AXIN1: variants seen among roughly 807,000 people sequenced by gnomAD.
AXIN1 encodes axin 1.
Under a neutral mutation model 76.4 loss-of-function variants are expected in AXIN1, and 30 were observed. That is an observed-to-expected ratio of 0.39 (90% confidence interval 0.29 to 0.53). AXIN1 has a LOEUF of 0.53. Among genes scored for constraint, AXIN1 ranks in the 20% least tolerant of loss-of-function variants. AXIN1 has a pLI of 0.66. For synonymous variants in AXIN1, 545 were observed against 501.4 expected, an observed-to-expected ratio of 1.09 and a Z score of -1.16; for missense variants, 1,140 against 1,198.8, an observed-to-expected ratio of 0.95 and a Z score of 0.72.
chr16:328,854 T>A (rs1245888116), intron 2 of AXIN1, among the ~76,000 whole-genome samples: 1 of 151,654 alleles, frequency 6.6e-6, no homozygotes, highest in Non-Finnish European at 1.5e-5. Flanking sequence ...CTCTGCACAG[T>A]CCCCCACAGA....
chr16:318,917 T>G (rs11248927), intron 2 of AXIN1, among the ~76,000 whole-genome samples: 2 of 65,750 alleles, frequency 3.0e-5, no homozygotes, highest in Non-Finnish European at 5.6e-5. Context: ...TTGGTGAGAG[T>G]GGCTCTGACC....
chr16:302,028 G>A (rs912784709), intron 5 of AXIN1, among the ~76,000 whole-genome samples: 4 of 152,206 alleles, frequency 2.6e-5, no homozygotes, highest in African/African-American at 4.8e-5. Context: ...CAACAGCCCA[G>A]TAAGGCTCCC....
intron 10 of AXIN1, among the ~76,000 whole-genome samples, chr16:288,755 AG>A (rs2052464901): frequency 1.3e-5 from 2 of 152,238 alleles, no homozygotes; most frequent in Admixed American, 6.5e-5. Context: ...GGCTGCACGC[AG>A]GGCCCTGCAG....
chr16:332,801 C>T (rs186916876), intron 2 of AXIN1, among the ~76,000 whole-genome samples: 14 of 151,990 alleles, frequency 9.2e-5, no homozygotes, highest in Admixed American at 3.9e-4. Context: ...TAAAGGATCA[C>T]TCTAAATGGT....
In AXIN1 at chr16:293,421, G is replaced by C. The variant is rs1472931761; in HGVS notation, c.2186+67C>G. The C allele has an allele frequency of 4.6e-6, 7 of 1,510,538 alleles. No homozygotes were observed. The East Asian group carries it at 6.8e-5, about 15-fold the overall frequency. The allele number at this position is 1,510,538 out of a possible 1,614,324, so 93.6% of individuals were successfully genotyped here. A position where few individuals can be genotyped will look rare whatever the true frequency, so the allele number is the denominator to read the frequency against. ...CCCTGAAGACCTCAGGCCTCGGGGA[G>C]CTTCAGCCCCAGGAGTGGTGCTGTG... On this transcript the variant is annotated intron_variant, in intron 8 of 10. Coordinates refer to ENST00000262320, the MANE Select transcript of AXIN1 (RefSeq NM_003502.4). This position sits in a 1 kb window ranked among gnomAD's most constrained non-coding sequence, Gnocchi z 4.6.
chr16:297,185 G>A lies in AXIN1; in HGVS notation c.1826C>T (p.Ala609Val), dbSNP rs770063899. The change falls in exon 7 of 11, where the codon GCT becomes GTT. Residue 609 changes from alanine to valine, a missense_variant. By Grantham distance (64) the Ala-to-Val change is moderately conservative. Transcript: ENST00000262320. Reference protein sequence around the residue: ...GVACKRNAKKAESGKSASTEV... With the variant: ...GVACKRNAKKVESGKSASTEV... ...GGTGCTGGCGCTCTTCCCCGACTCA[G>A]CCTTCTTGGCATTTCTTTTGCACGC... 1 of 1,610,206 alleles carries A rather than the reference G, an allele frequency of 6.2e-7. No individual in the cohort carries two copies. Among genetic ancestry groups the A allele is most frequent in the Non-Finnish European group, 8.5e-7 (1 of 1,179,960 alleles).
At chr16:313,305 G>T (rs1021601323) in intron 3 of AXIN1, among the ~76,000 whole-genome samples, 4 of 152,150 alleles carry the variant, frequency 2.6e-5, no homozygotes, top group African/African-American at 9.7e-5. Flanking sequence ...GTCTCAAAAT[G>T]AAAAGAACCA....
intron 2 of AXIN1, among the ~76,000 whole-genome samples, chr16:321,920 A>G (rs1345873028): frequency 6.6e-6 from 1 of 152,226 alleles, no homozygotes; most frequent in African/African-American, 2.4e-5. Flanking sequence ...GCCTAAGTGG[A>G]GCCATCCTAA....
chr16:337,201 T>A (rs970654216), intron 2 of AXIN1, among the ~76,000 whole-genome samples: 6 of 148,916 alleles, frequency 4.0e-5, no homozygotes, highest in Admixed American at 2.7e-4. Context: ...GTATCCTTTT[T>A]AAAGAAAAAA....
chr16:304,580 G>A, intron 4 of AXIN1, 139 bp from the exon 5 acceptor site: 4 of 1,357,044 alleles, frequency 2.9e-6, no homozygotes, highest in Non-Finnish European at 4.0e-6. Flanking sequence ...TGTCACCCAG[G>A]CTGGAGTGCA....
At chr16:326,736 C>CAA (rs59159771) in intron 2 of AXIN1, among the ~76,000 whole-genome samples, 1,562 of 121,200 alleles carry the variant, frequency 0.013, 42 homozygotes, top group African/African-American at 0.045. Context: ...AGAGTGGGAT[C>CAA]AAAAAAAAAA....
At chr16:311,547 G>A (rs573003542) in intron 3 of AXIN1, among the ~76,000 whole-genome samples, 116 of 151,358 alleles carry the variant, frequency 7.7e-4, no homozygotes, top group Non-Finnish European at 1.5e-3. Flanking sequence ...CGAGGCGGGC[G>A]GATCACGAGG....
chr16:306,085 C>T, intron 4 of AXIN1, among the ~76,000 whole-genome samples: 1 of 152,182 alleles, frequency 6.6e-6, no homozygotes, highest in East Asian at 1.9e-4. Context: ...TCTGCCATAA[C>T]TGCTTTATCA....
intron 2 of AXIN1, among the ~76,000 whole-genome samples, chr16:331,988 G>C (rs1387366665): frequency 1.3e-5 from 2 of 152,166 alleles, no homozygotes; most frequent in Non-Finnish European, 2.9e-5. Context: ...ACAGCAGATG[G>C]GAAGTTACTT....
intron 2 of AXIN1, among the ~76,000 whole-genome samples, chr16:318,521 G>A (rs1212471890): frequency 6.6e-6 from 1 of 152,206 alleles, no homozygotes; most frequent in Non-Finnish European, 1.5e-5. Context: ...AGACACAGGC[G>A]GCCGGGCTTG....
Position 346,454 on chromosome 16 carries a change from G to C in AXIN1, c.572C>G (p.Ala191Gly), listed in dbSNP as rs762933675. The change falls in exon 2 of 11, where the codon GCC becomes GGC. Residue 191 changes from alanine (A) to glycine (G), a missense_variant. Around this residue, in one of 3 missense-constraint regions of AXIN1, gnomAD observed 708 missense variants for 776.9 expected, o/e 0.91. Transcript: ENST00000262320. ...GGGATAGGTGTTTTCCTCCATAGTG[G>C]CCTGGATTTCGGTCTGGGCCTGGTC... ...MFDQAQTEIQ[A>G]TMEENTYPSF... The C allele has an allele frequency of 4.3e-6, 7 of 1,614,172 alleles. No homozygotes were observed. The South Asian group carries it at 4.4e-5, about 10-fold the overall frequency.
At chr16:301,497 T>A (rs539211884) in intron 5 of AXIN1, among the ~76,000 whole-genome samples, 67 of 152,032 alleles carry the variant, frequency 4.4e-4, no homozygotes, top group Non-Finnish European at 7.2e-4. Context: ...GCCTTTAACA[T>A]GTCTTGCTTA....
intron 7 of AXIN1, among the ~76,000 whole-genome samples, chr16:294,985 A>G (rs1173213296): frequency 7.0e-6 from 1 of 142,972 alleles, no homozygotes; most frequent in African/African-American, 2.6e-5. Flanking sequence ...AATGGCATGA[A>G]CCCGGGAGGC....
intron 2 of AXIN1, among the ~76,000 whole-genome samples, chr16:334,057 A>G (rs1263184320): frequency 6.6e-6 from 1 of 150,846 alleles, no homozygotes; most frequent in Admixed American, 6.6e-5. Context: ...CATGCCCATA[A>G]CACAGCACCC....
Sources: gnomAD v4.1 joint callset for allele counts (sites outside exome capture counted in the v4.1 genomes callset) on GRCh38, gnomAD v4.1.1 for gene constraint, gnomAD v4.1.1 regional missense constraint, Gnocchi (gnomAD v3.1) non-coding constraint, MANE v1.5 for transcripts, NCBI Gene and HGNC (gene_info 2026-07-23, HGNC 2026-07-21) for gene names.